SNX27: variants seen among roughly 807,000 people sequenced by gnomAD.
SNX27 encodes the protein sorting nexin-27.
In SNX27, 22 loss-of-function variants were observed where a neutral mutation model predicts 71.6. The ratio of observed to expected loss-of-function variants is 0.31; its 90% CI spans 0.22 to 0.44. The LOEUF is 0.44. Ranked by LOEUF, SNX27 falls within the 20% of genes least tolerant of loss-of-function variation. The probability of loss-of-function intolerance (pLI) is 1.00; values close to 1 mark genes in which losing one functional copy is unlikely to be tolerated. For missense variants in SNX27, 531 were observed against 698.6 expected (o/e 0.76, Z 2.70); for synonymous variants, 269 against 277.2 (o/e 0.97, Z 0.29).
intron 2 of SNX27, among the ~76,000 whole-genome samples, chr1:151,640,320 C>T (rs1190680332): frequency 6.6e-6 from 1 of 152,122 alleles, no homozygotes; most frequent in Non-Finnish European, 1.5e-5. Flanking sequence ...TACCTAAAAC[C>T]TTGGAAACCT....
chr1:151,616,610 G>C (rs1053005157), intron 1 of SNX27, among the ~76,000 whole-genome samples: 3 of 152,160 alleles, frequency 2.0e-5, no homozygotes, highest in African/African-American at 4.8e-5. Flanking sequence ...GCCACAAGAA[G>C]TATTTTTATG....
At chr1:151,625,706 AC>A (rs1667896707) in intron 1 of SNX27, among the ~76,000 whole-genome samples, 1 of 149,528 alleles carries the variant, frequency 6.7e-6, no homozygotes, top group Admixed American at 6.7e-5. Flanking sequence ...AATCACTTGA[AC>A]CGGGGCGGTG....
chr1:151,669,765 T>C (rs1670376149), intron 7 of SNX27, among the ~76,000 whole-genome samples: 1 of 152,220 alleles, frequency 6.6e-6, no homozygotes, highest in South Asian at 2.1e-4. Context: ...TTTTTGTGGG[T>C]ACATAGTAGG....
At position 151,695,982 on chromosome 1, in the gene SNX27, A is replaced by G. The variant is rs758820362; in HGVS notation, c.*1565A>G. 6.6e-6 allele frequency: 1 copy of G among 152,364 alleles called. No homozygotes were observed. The highest frequency in any genetic ancestry group is 1.5e-5 in the Non-Finnish European group (1 of 68,176). The allele number at this position is 152,364 out of a possible 1,614,324, so 9.4% of individuals were successfully genotyped here. On this transcript the variant is annotated 3_prime_UTR_variant, in exon 12 of 12. Transcript: ENST00000458013. ...TGCAGTGGGTCAGTGGTCTGTGCCA[A>G]CCAAACGATAGCCCCATCCAAGCCA...
chr1:151,652,309 A>G (rs556714238), intron 2 of SNX27, among the ~76,000 whole-genome samples: 14 of 150,532 alleles, frequency 9.3e-5, no homozygotes, highest in Non-Finnish European at 1.6e-4. Context: ...GATAATTTTT[A>G]TGGACCTATC....
intron 1 of SNX27, among the ~76,000 whole-genome samples, chr1:151,637,534 C>T (rs898735676): frequency 3.3e-5 from 5 of 152,136 alleles, no homozygotes; most frequent in Non-Finnish European, 7.4e-5. Flanking sequence ...CCCAAGTTTC[C>T]ATCAGTGAAA....
chr1:151,680,293 A>G (rs930261200), intron 7 of SNX27: 3 of 151,526 alleles, frequency 2.0e-5, no homozygotes, highest in East Asian at 1.9e-4. Context: ...AGTTGCTGGG[A>G]TTACCTGCTC....
At chr1:151,633,964 GTA>G (rs1197923549) in intron 1 of SNX27, among the ~76,000 whole-genome samples, 7 of 148,282 alleles carry the variant, frequency 4.7e-5, no homozygotes, top group African/African-American at 1.5e-4. Flanking sequence ...GTGTAGATGT[GTA>G]TGTGTGTTTT....
At chr1:151,615,188 C>T (rs1430608822) in intron 1 of SNX27, among the ~76,000 whole-genome samples, 2 of 152,146 alleles carry the variant, frequency 1.3e-5, no homozygotes, top group African/African-American at 4.8e-5. Flanking sequence ...TTGTGATAAT[C>T]AGAAATCTTC....
intron 1 of SNX27, among the ~76,000 whole-genome samples, chr1:151,638,564 A>G (rs1318239338): frequency 2.0e-5 from 3 of 152,166 alleles, no homozygotes; most frequent in African/African-American, 7.2e-5. Flanking sequence ...AGAATGAGGA[A>G]ATTGGATTGT....
rs796844038 is a variant in SNX27 at position 151,696,522 on chromosome 1, G to GTTCTTTCTTTCTTTCT, written c.*2114_*2129dup. ...CTTTCTTTCGTTCTTTCGTTCTTTC[G>GTTCTTTCTTTCTTTCT]TTCTTTCTTTCTTTCTTTCTTTCTC... is the stretch of plus-strand genomic sequence containing the variant. On this transcript the variant is annotated 3_prime_UTR_variant, in exon 12 of 12. Coordinates refer to ENST00000458013, the MANE Select transcript of SNX27 (RefSeq NM_001330723.2). The GTTCTTTCTTTCTTTCT allele has an allele frequency of 1.1e-4, 11 of 102,402 alleles. No individual in the cohort carries two copies. The highest frequency in any genetic ancestry group is 2.9e-4 in the South Asian group (1 of 3,486). The allele number at this position is 102,402 out of a possible 1,614,324, so 6.3% of individuals were successfully genotyped here.
intron 6 of SNX27, among the ~76,000 whole-genome samples, chr1:151,667,601 G>A (rs1336446433): frequency 1.3e-5 from 2 of 151,858 alleles, no homozygotes; most frequent in South Asian, 2.1e-4. Context: ...CGAGGCGGGC[G>A]GATCACGAGG....
intron 7 of SNX27, among the ~76,000 whole-genome samples, chr1:151,671,609 GT>G (rs887729480): frequency 1.0e-4 from 15 of 148,858 alleles, no homozygotes; most frequent in East Asian, 3.9e-4. Context: ...TTTTAGGATA[GT>G]TTTTTTTTTC....
intron 2 of SNX27, among the ~76,000 whole-genome samples, chr1:151,646,806 T>C (rs1012843629): frequency 2.0e-5 from 3 of 151,836 alleles, no homozygotes; most frequent in Non-Finnish European, 4.4e-5. Context: ...ACTGTAGTTA[T>C]AGAAGATACT....
At chr1:151,651,631 A>T (rs1211504848) in intron 2 of SNX27, among the ~76,000 whole-genome samples, 1 of 150,142 alleles carries the variant, frequency 6.7e-6, no homozygotes, top group East Asian at 2.0e-4. Flanking sequence ...CGCTCCCCAC[A>T]TCTCAGACGA....
chr1:151,693,670 G>A, intron 11 of SNX27, 187 bp downstream of exon 11: 1 of 1,612,386 alleles, frequency 6.2e-7, no homozygotes, highest in Non-Finnish European at 8.5e-7. Context: ...ATGGTGAACG[G>A]GCTGTGCAAA....
rs1156230928 is a variant in SNX27 at position 151,694,371 on chromosome 1, A to G, written c.1580A>G (p.Asn527Ser). The change falls in exon 12 of 12, where the codon AAC (asparagine) becomes AGC (serine). Residue 527 changes from asparagine to serine, a missense_variant and splice_region_variant. Asn to Ser is a conservative substitution (Grantham distance 46, BLOSUM62 1). Transcript: ENST00000458013. Reference sequence around the variant, plus strand: ...AACTCTTTTTTTTTTTCCTTTCAGAACATTTTCCAGATGGCGAGGTCACAG... The same window carrying G: ...AACTCTTTTTTTTTTTCCTTTCAGAGCATTTTCCAGATGGCGAGGTCACAG... ...VFCELKWRKE[N>S]IFQMARSQQR... is the part of the protein sequence containing the mutation. The G allele has an allele frequency of 6.5e-7, 1 of 1,549,958 alleles. No individual in the cohort carries two copies. Among genetic ancestry groups the G allele is most frequent in the Non-Finnish European group, 8.7e-7 (1 of 1,146,702 alleles).
chr1:151,646,143 T>C (rs1049734683), intron 2 of SNX27, among the ~76,000 whole-genome samples: 32 of 152,198 alleles, frequency 2.1e-4, no homozygotes, highest in African/African-American at 7.2e-4. Flanking sequence ...CTTTCTCTCA[T>C]ATAACATATG....
In SNX27 at chr1:151,665,458, C is replaced by G. The variant is rs563718816; in HGVS notation, c.907-475C>G. 2.8e-4 allele frequency among the ~76,000 whole-genome samples: 43 copies of G among 152,268 alleles called. 1 individual carries two copies. The South Asian group carries it at 8.3e-3, about 29-fold the overall frequency. ...GTTTAGCCAGAATATAATTGACAAA[C>G]TATTTTACACTCTAGAATCAAATAT... On this transcript the variant is annotated intron_variant, in intron 5 of 11. Transcript: ENST00000458013.
Sources: allele counts gnomAD v4.1 joint callset (sites outside exome capture counted in the v4.1 genomes callset), GRCh38; gene constraint gnomAD v4.1.1; transcripts MANE v1.5; gene names NCBI Gene and HGNC (gene_info 2026-07-23, HGNC 2026-07-21).